Variants in CDK19 observed in about 807,000 individuals in gnomAD.
CDK19 encodes cyclin-dependent kinase 19.
In CDK19, 20 loss-of-function variants were observed where a neutral mutation model predicts 68.3. That is an observed-to-expected ratio of 0.29 (90% CI 0.21 to 0.43). The LOEUF (loss-of-function observed/expected upper bound fraction) is 0.43. Among genes scored for constraint, CDK19 ranks in the 20% least tolerant of loss-of-function variants. The pLI is 1.00. For synonymous variants in CDK19, 221 were observed against 222.8 expected, an observed-to-expected ratio of 0.99 and a Z score of 0.07; for missense variants, 339 against 623.5, an observed-to-expected ratio of 0.54 and a Z score of 4.86.
At chr6:110,762,926 GAATTGATTA>G (rs1779324744) in intron 1 of CDK19, among the ~76,000 whole-genome samples, 1 of 152,156 alleles carries the variant, frequency 6.6e-6, no homozygotes, top group African/African-American at 2.4e-5. Flanking sequence ...AATATTTGAT[GAATTGATTA>G]ACCGATTAGA....
At chr6:110,619,685 G>C (rs962523851) in intron 12 of CDK19, among the ~76,000 whole-genome samples, 1 of 151,936 alleles carries the variant, frequency 6.6e-6, no homozygotes, top group African/African-American at 2.4e-5. Flanking sequence ...TTTAGCCAGA[G>C]ACCTTTTATC....
At chr6:110,723,145 AAAAAAC>A (rs1562233914) in intron 2 of CDK19, among the ~76,000 whole-genome samples, 4 of 99,308 alleles carry the variant, frequency 4.0e-5, no homozygotes, top group African/African-American at 1.2e-4. Flanking sequence ...CAAAAAAAAC[AAAAAAC>A]AAAAAAAAAA....
At chr6:110,745,250 T>A (rs1451889209) in intron 2 of CDK19, among the ~76,000 whole-genome samples, 3 of 152,186 alleles carry the variant, frequency 2.0e-5, no homozygotes, top group African/African-American at 7.2e-5. Context: ...AGTGAATTAA[T>A]ACTTGAAACC....
At chr6:110,797,385 T>A (rs1258304057) in intron 1 of CDK19, among the ~76,000 whole-genome samples, 5 of 152,164 alleles carry the variant, frequency 3.3e-5, no homozygotes, top group African/African-American at 1.2e-4. Context: ...AAAAAACATT[T>A]GTCAGTAATT....
chr6:110,734,227 C>T (rs1196149242), intron 2 of CDK19, among the ~76,000 whole-genome samples: 1 of 152,094 alleles, frequency 6.6e-6, no homozygotes, highest in Non-Finnish European at 1.5e-5. Context: ...CTAGGCTGGT[C>T]TCCAACTCCT....
chr6:110,795,266 C>A (rs1781864273), intron 1 of CDK19, among the ~76,000 whole-genome samples: 1 of 152,188 alleles, frequency 6.6e-6, no homozygotes. Flanking sequence ...TCACCATGCC[C>A]AGCTTAAACT....
intron 2 of CDK19, among the ~76,000 whole-genome samples, chr6:110,699,965 G>A (rs1773854458): frequency 6.6e-6 from 1 of 152,140 alleles, no homozygotes. Flanking sequence ...GCAGGAGGTG[G>A]GCAGCAGGTA....
chr6:110,647,637 T>G (rs1780695053), intron 4 of CDK19, among the ~76,000 whole-genome samples: 1 of 152,166 alleles, frequency 6.6e-6, no homozygotes, highest in Non-Finnish European at 1.5e-5. Context: ...AAATGCTAAA[T>G]AAACTAAAAC....
At chr6:110,788,082 T>C (rs926917585) in intron 1 of CDK19, among the ~76,000 whole-genome samples, 3 of 152,078 alleles carry the variant, frequency 2.0e-5, no homozygotes, top group Non-Finnish European at 4.4e-5. Flanking sequence ...TCACGTGATC[T>C]GCCCACCTCG....
chr6:110,793,927 T>C (rs1270663671), intron 1 of CDK19, among the ~76,000 whole-genome samples: 1 of 152,244 alleles, frequency 6.6e-6, no homozygotes, highest in Non-Finnish European at 1.5e-5. Context: ...CTCTGGACCT[T>C]TCATTACAAG....
intron 2 of CDK19, among the ~76,000 whole-genome samples, chr6:110,740,893 A>T (rs1777610643): frequency 6.6e-6 from 1 of 152,178 alleles, no homozygotes; most frequent in Non-Finnish European, 1.5e-5. Context: ...ATTCCCTTAT[A>T]TACTCTGTCC....
chr6:110,814,839 G>A (rs13204468), intron 1 of CDK19, 170 bp downstream of exon 1: 3 of 845,484 alleles, frequency 3.5e-6, no homozygotes, highest in Non-Finnish European at 3.7e-6. Flanking sequence ...CCGCGCGGGG[G>A]AGGCGGGCGG....
At chr6:110,771,235 T>C (rs548848029) in intron 1 of CDK19, among the ~76,000 whole-genome samples, 1 of 152,368 alleles carries the variant, frequency 6.6e-6, no homozygotes, top group South Asian at 2.1e-4. Context: ...GCCTCGCCCC[T>C]GCAGCAAACT....
At chr6:110,712,617 G>A (rs1352272567) in intron 2 of CDK19, among the ~76,000 whole-genome samples, 5 of 152,068 alleles carry the variant, frequency 3.3e-5, no homozygotes, top group Admixed American at 6.6e-5. Context: ...GGTTCTTGCC[G>A]CCCAGGTTTC....
chr6:110,699,976 A>T (rs1477762813), intron 2 of CDK19, among the ~76,000 whole-genome samples: 1 of 152,230 alleles, frequency 6.6e-6, no homozygotes, highest in Non-Finnish European at 1.5e-5. Flanking sequence ...GCAGCAGGTA[A>T]GTAAGCGAAG....
At chr6:110,664,316 A>C (rs1364173008) in intron 4 of CDK19, among the ~76,000 whole-genome samples, 1 of 152,074 alleles carries the variant, frequency 6.6e-6, no homozygotes, top group Non-Finnish European at 1.5e-5. Flanking sequence ...GCTCTTTCAA[A>C]CTTACCCTTA....
intron 2 of CDK19, among the ~76,000 whole-genome samples, chr6:110,694,347 C>T (rs1410092879): frequency 1.3e-5 from 2 of 152,114 alleles, no homozygotes; most frequent in Non-Finnish European, 2.9e-5. Flanking sequence ...AACTAGAAGC[C>T]AGCAGGAATA....
chr6:110,757,547 T>C (rs529478071), intron 1 of CDK19, among the ~76,000 whole-genome samples: 5 of 152,322 alleles, frequency 3.3e-5, no homozygotes, highest in Admixed American at 6.5e-5. Context: ...ATAATATTAT[T>C]ATGATATGGT....
chr6:110,729,790 G>GT (rs1776614487), intron 2 of CDK19, among the ~76,000 whole-genome samples: 1 of 151,900 alleles, frequency 6.6e-6, no homozygotes, highest in Non-Finnish European at 1.5e-5. Context: ...CTAGAGTGCA[G>GT]TGTCTATTCA....
Sources: allele counts gnomAD v4.1 joint callset (sites outside exome capture counted in the v4.1 genomes callset), GRCh38; gene constraint gnomAD v4.1.1; transcripts MANE v1.5; gene names NCBI Gene and HGNC (gene_info 2026-07-23, HGNC 2026-07-21).